Variants in AKAP7 observed in about 807,000 individuals in gnomAD.
AKAP7 encodes A kinase (PRKA) anchor protein 7.
AKAP7 carries 39 observed loss-of-function variants against 39.5 expected under a neutral mutation model. That is an observed-to-expected ratio of 0.99 (90% CI 0.76 to 1.29). The LOEUF is 1.29. Ranked by LOEUF, AKAP7 falls within the 50% of genes most tolerant of loss-of-function variation. AKAP7 has a pLI of 0.00. For synonymous variants in AKAP7, 140 were observed against 139.1 expected (o/e 1.01, Z -0.05); for missense variants, 414 against 407.7 (o/e 1.02, Z -0.13).
intron 5 of AKAP7, among the ~76,000 whole-genome samples, chr6:131,188,324 ATAT>A (rs921486367): frequency 1.3e-5 from 2 of 152,184 alleles, no homozygotes; most frequent in Admixed American, 1.3e-4. Flanking sequence ...GTTAATAGTA[ATAT>A]TATAGGAACA....
intron 7 of AKAP7, among the ~76,000 whole-genome samples, chr6:131,280,986 C>G (rs563749542): frequency 6.6e-6 from 1 of 152,154 alleles, no homozygotes; most frequent in African/African-American, 2.4e-5. Flanking sequence ...ATTAGTCTTA[C>G]AAGCTTACTT....
chr6:131,131,341 G>A (rs1800323089), upstream of AKAP7, among the ~76,000 whole-genome samples: 1 of 152,164 alleles, frequency 6.6e-6, no homozygotes, highest in African/African-American at 2.4e-5. Context: ...TTTGCATGCA[G>A]GAGCCAGACA....
At chr6:131,174,918 G>A (rs559309429) in intron 5 of AKAP7, among the ~76,000 whole-genome samples, 182 of 100,330 alleles carry the variant, frequency 1.8e-3, no homozygotes, top group Non-Finnish European at 3.3e-3. Flanking sequence ...AGAACCCTGC[G>A]TAGTCAGAAT....
intron 7 of AKAP7, among the ~76,000 whole-genome samples, chr6:131,269,366 T>C (rs955627580): frequency 6.6e-6 from 1 of 152,230 alleles, no homozygotes; most frequent in East Asian, 1.9e-4. Context: ...ATACTACTTT[T>C]AACACTACTC....
At chr6:131,235,884 C>G (rs945047759) in intron 7 of AKAP7, among the ~76,000 whole-genome samples, 2 of 152,166 alleles carry the variant, frequency 1.3e-5, no homozygotes, top group African/African-American at 2.4e-5. Flanking sequence ...ATGGTAGTTT[C>G]TTTTGCTGTG....
intron 5 of AKAP7, among the ~76,000 whole-genome samples, chr6:131,181,781 G>T (rs1002730937): frequency 6.6e-6 from 1 of 152,026 alleles, no homozygotes; most frequent in Non-Finnish European, 1.5e-5. Flanking sequence ...CCATCCCATG[G>T]AAACTTTTAC....
chr6:131,134,274 G>C (rs924170556), upstream of AKAP7, among the ~76,000 whole-genome samples: 7 of 152,158 alleles, frequency 4.6e-5, no homozygotes, highest in Admixed American at 1.3e-4. Flanking sequence ...GCCCGGCCTG[G>C]TAAAGCTTTA....
At chr6:131,162,349 C>T (rs1396461973) in intron 3 of AKAP7, among the ~76,000 whole-genome samples, 1 of 152,208 alleles carries the variant, frequency 6.6e-6, no homozygotes, top group East Asian at 1.9e-4. Context: ...TTCTGCCTCT[C>T]TACCCCTGTA....
At chr6:131,133,117 G>A (rs1800364803), upstream of AKAP7, among the ~76,000 whole-genome samples, 1 of 152,138 alleles carries the variant, frequency 6.6e-6, no homozygotes, top group Non-Finnish European at 1.5e-5. Flanking sequence ...GTGCAAAGCA[G>A]CTTTCCCATA....
At chr6:131,204,597 A>G (rs1230352279) in intron 6 of AKAP7, among the ~76,000 whole-genome samples, 2 of 152,122 alleles carry the variant, frequency 1.3e-5, no homozygotes, top group African/African-American at 2.4e-5. Flanking sequence ...CACTCAGAAT[A>G]TAGTATATCC....
chr6:131,143,583 C>T (rs1801220646), intron 1 of AKAP7, among the ~76,000 whole-genome samples: 1 of 152,104 alleles, frequency 6.6e-6, no homozygotes, highest in African/African-American at 2.4e-5. Flanking sequence ...TACCCAGCCT[C>T]AGGTATTCCT....
At chr6:131,128,757 G>A in the AKAP7 span, among the ~76,000 whole-genome samples, 13 of 150,742 alleles carry the variant, frequency 8.6e-5, no homozygotes, top group African/African-American at 3.2e-4. Flanking sequence ...AGGAGATGGA[G>A]GTTGCAGTGA....
chr6:131,257,367 C>CA (rs10712918), intron 7 of AKAP7, among the ~76,000 whole-genome samples: 15,546 of 89,440 alleles, frequency 0.17, 1,217 homozygotes, highest in African/African-American at 0.22. Context: ...GGCCTTGTCT[C>CA]AAAAAAAAAA....
At chr6:131,256,750 A>AGCAGG (rs1380467852) in intron 7 of AKAP7, among the ~76,000 whole-genome samples, 3 of 148,738 alleles carry the variant, frequency 2.0e-5, no homozygotes, top group Non-Finnish European at 3.0e-5. Flanking sequence ...AGATGGCCCA[A>AGCAGG]GCAGGTCTCA....
chr6:131,279,110 C>G (rs983092539), intron 7 of AKAP7, among the ~76,000 whole-genome samples: 1 of 151,946 alleles, frequency 6.6e-6, no homozygotes, highest in African/African-American at 2.4e-5. Context: ...ACATTGAAGA[C>G]GGGAGAAATC....
At chr6:131,141,900 T>G (rs1246272226) in intron 1 of AKAP7, among the ~76,000 whole-genome samples, 1 of 120,578 alleles carries the variant, frequency 8.3e-6, no homozygotes, top group Non-Finnish European at 1.6e-5. Flanking sequence ...TCTTTCTTTC[T>G]TTTTTTTTTT....
At chr6:131,225,114 C>A (rs900432762) in intron 7 of AKAP7, among the ~76,000 whole-genome samples, 1 of 151,968 alleles carries the variant, frequency 6.6e-6, no homozygotes, top group African/African-American at 2.4e-5. Context: ...GATATTAATT[C>A]TTCTGTCATG....
intron 7 of AKAP7, among the ~76,000 whole-genome samples, chr6:131,241,627 G>GTATATA (rs60816569): frequency 1.2e-5 from 1 of 86,638 alleles, no homozygotes; most frequent in South Asian, 3.7e-4. Context: ...GTGTGTGTGT[G>GTATATA]TATATATATA....
intron 5 of AKAP7, among the ~76,000 whole-genome samples, chr6:131,186,489 G>T (rs1805872266): frequency 6.6e-6 from 1 of 152,094 alleles, no homozygotes; most frequent in African/African-American, 2.4e-5. Flanking sequence ...CTCATTGAAT[G>T]ATCTTGGCAC....
Sources: gnomAD v4.1 joint callset for allele counts (sites outside exome capture counted in the v4.1 genomes callset) on GRCh38, gnomAD v4.1.1 for gene constraint, MANE v1.5 for transcripts, NCBI Gene and HGNC (gene_info 2026-07-23, HGNC 2026-07-21) for gene names.